Variants in FGF2 observed in about 807,000 individuals in gnomAD.
FGF2 encodes the protein fibroblast growth factor 2.
In FGF2, 13 loss-of-function variants were observed where a neutral mutation model predicts 15.9. The observed-to-expected ratio is 0.82, with a 90% CI of 0.53 to 1.30. The LOEUF (loss-of-function observed/expected upper bound fraction) is 1.30, where lower values mean the gene tolerates loss of function less well. FGF2 is among the 50% of genes most tolerant of loss of function. The probability of loss-of-function intolerance (pLI) is 0.00; values close to 1 mark genes in which losing one functional copy is unlikely to be tolerated. For synonymous variants in FGF2, 90 were observed against 78.4 expected, an observed-to-expected ratio of 1.15 and a Z score of -0.78; for missense variants, 163 against 196.9, an observed-to-expected ratio of 0.83 and a Z score of 1.03.
chr4:122,891,441 G>C (rs1034062223), intron 2 of FGF2, among the ~76,000 whole-genome samples: 1 of 78,200 alleles, frequency 1.3e-5, no homozygotes, highest in South Asian at 4.8e-4. Context: ...TTTTTTTTTT[G>C]ATAAATAGTT....
chr4:122,892,481 T>A lies in FGF2; in HGVS notation c.*85T>A. 10 of 1,598,016 alleles carry A rather than the reference T, an allele frequency of 6.3e-6. No individual in the cohort carries two copies. The highest frequency in any genetic ancestry group is 8.5e-6 in the Non-Finnish European group (10 of 1,169,668). On this transcript the variant is annotated 3_prime_UTR_variant, in exon 3 of 3. Transcript: ENST00000644866. ...GTTAATGAGAGTAAAAGAAAATAAA[T>A]GTGTATAGCTCAGTTTGGATAATTG... is the stretch of plus-strand genomic sequence containing the variant.
intron 1 of FGF2, among the ~76,000 whole-genome samples, chr4:122,843,096 T>G (rs1440621444): frequency 1.3e-5 from 2 of 152,322 alleles, no homozygotes; most frequent in East Asian, 3.9e-4. Flanking sequence ...TATAAATCAA[T>G]AAGGGCAATA....
At position 122,893,509 on chromosome 4, in the gene FGF2, T is replaced by G. The variant is rs1190239570; in HGVS notation, c.*1113T>G. The G allele has an allele frequency of 3.5e-6, 1 of 281,776 alleles. No individual in the cohort carries two copies. 17.5% of individuals were successfully genotyped at this position (281,776 alleles called of 1,614,324 possible). A position where few individuals can be genotyped will look rare whatever the true frequency, so the allele number is the denominator to read the frequency against. On this transcript the variant is annotated 3_prime_UTR_variant, in exon 3 of 3. Transcript: ENST00000644866. ...TTGGGGTCAGCTCTTTTTAACTTCT[T>G]GCTGCTCTTTTTCCCAAAAGGTAAA...
chr4:122,851,677 A>C (rs1350524395), intron 1 of FGF2, among the ~76,000 whole-genome samples: 1 of 152,222 alleles, frequency 6.6e-6, no homozygotes, highest in Non-Finnish European at 1.5e-5. Context: ...TTGAACAGCT[A>C]TTATTAAAAG....
rs1276308371 is a variant in FGF2 at position 122,826,853 on chromosome 4, C to T, written c.-322C>T. 3 of 1,501,116 alleles carry T rather than the reference C, an allele frequency of 2.0e-6. No homozygotes were observed. Among genetic ancestry groups the T allele is most frequent in the Non-Finnish European group, 2.7e-6 (3 of 1,122,924 alleles). 93.0% of individuals were successfully genotyped at this position (1,501,116 alleles called of 1,614,324 possible). A position where few individuals can be genotyped will look rare whatever the true frequency, so the allele number is the denominator to read the frequency against. On this transcript the variant is annotated 5_prime_UTR_variant, in exon 1 of 3. Transcript: ENST00000644866. ...GGTGCCAGATTAGCGGACGCGGTGC[C>T]CGCGGTTGCAACGGGATCCCGGGCG...
intron 1 of FGF2, among the ~76,000 whole-genome samples, chr4:122,848,088 T>G (rs1260714473): frequency 1.3e-5 from 2 of 152,238 alleles, no homozygotes; most frequent in African/African-American, 4.8e-5. Flanking sequence ...GGGTGGTGAA[T>G]AAGCCCTGGC....
intron 1 of FGF2, among the ~76,000 whole-genome samples, chr4:122,848,396 A>G (rs1726159286): frequency 6.6e-6 from 1 of 152,168 alleles, no homozygotes; most frequent in South Asian, 2.1e-4. Flanking sequence ...AGAAGAAAGG[A>G]CATAATTATG....
intron 1 of FGF2, among the ~76,000 whole-genome samples, chr4:122,853,475 A>G (rs957188672): frequency 2.0e-5 from 3 of 152,198 alleles, no homozygotes; most frequent in Admixed American, 6.5e-5. Flanking sequence ...GAGGTAGAGT[A>G]AAAACCCTGA....
At chr4:122,830,069 T>C (rs923331683) in intron 1 of FGF2, among the ~76,000 whole-genome samples, 1 of 152,240 alleles carries the variant, frequency 6.6e-6, no homozygotes, top group Admixed American at 6.5e-5. Flanking sequence ...GACCTGAACA[T>C]CTGTCACTGG....
intron 1 of FGF2, among the ~76,000 whole-genome samples, chr4:122,832,600 G>C (rs572475259): frequency 6.6e-6 from 1 of 152,268 alleles, no homozygotes; most frequent in South Asian, 2.1e-4. Flanking sequence ...AATGTATTTT[G>C]TTCTGTTTTA....
intron 1 of FGF2, among the ~76,000 whole-genome samples, chr4:122,862,160 C>G (rs760912328): frequency 6.6e-6 from 1 of 152,162 alleles, no homozygotes; most frequent in Non-Finnish European, 1.5e-5. Context: ...ATAGCTGTTA[C>G]CCATAAATGT....
At chr4:122,845,944 G>A (rs72672952) in intron 1 of FGF2, among the ~76,000 whole-genome samples, 2,536 of 152,210 alleles carry the variant, frequency 0.017, 42 homozygotes, top group Non-Finnish European at 0.027. Flanking sequence ...GACCTATCTC[G>A]GCTTTCAACA....
chr4:122,827,262 A>T lies in FGF2; in HGVS notation c.88A>T (p.Lys30Ter). 1 of 1,612,632 alleles carries T rather than the reference A, an allele frequency of 6.2e-7. No individual in the cohort carries two copies. Among genetic ancestry groups the T allele is most frequent in the Non-Finnish European group, 8.5e-7 (1 of 1,179,804 alleles). ...AFPPGHFKDP[K>*]RLYCKNGGFF... Reference sequence around the variant, plus strand: ...CCCGCCCGGCCACTTCAAGGACCCCAAGCGGCTGTACTGCAAAAACGGGGG... The same window carrying T: ...CCCGCCCGGCCACTTCAAGGACCCCTAGCGGCTGTACTGCAAAAACGGGGG... Residue 30 changes from lysine to a stop codon, truncating the protein, a stop_gained, in exon 1 of 3, where the codon AAG becomes TAG. Transcript: ENST00000644866. LOFTEE classifies it high-confidence loss of function. The surrounding 1 kb of genome is among the most constrained non-coding windows in gnomAD (Gnocchi z 4.2).
At chr4:122,833,902 A>G (rs1725814789) in intron 1 of FGF2, among the ~76,000 whole-genome samples, 3 of 152,232 alleles carry the variant, frequency 2.0e-5, no homozygotes, top group Admixed American at 2.0e-4. Context: ...CTAGAGAAAG[A>G]TGAATCATTT....
chr4:122,897,486 G>A lies in FGF2; in HGVS notation c.*5090G>A, dbSNP rs1004560832. 1.6e-5 allele frequency: 11 copies of A among 678,328 alleles called. No homozygotes were observed. The highest frequency in any genetic ancestry group is 2.7e-5 in the Non-Finnish European group (10 of 376,358). The allele number at this position is 678,328 out of a possible 1,614,324, so 42.0% of individuals were successfully genotyped here. A position where few individuals can be genotyped will look rare whatever the true frequency, so the allele number is the denominator to read the frequency against. ...ATGCTGCTAATTATATCAGCTCTGA[G>A]GTAATTTCTGAAATGTTCAGACTCA... On this transcript the variant is annotated 3_prime_UTR_variant, in exon 3 of 3. Coordinates refer to ENST00000644866, the MANE Select transcript of FGF2 (RefSeq NM_001361665.2).
intron 1 of FGF2, among the ~76,000 whole-genome samples, chr4:122,839,608 C>T (rs928952696): frequency 2.6e-5 from 4 of 152,212 alleles, no homozygotes; most frequent in Non-Finnish European, 2.9e-5. Context: ...TCACCATCTT[C>T]CTTGCCAACC....
In FGF2 at chr4:122,840,982, G is replaced by A. The variant is rs535811911; in HGVS notation, c.178+13630G>A. ...CAGATCTCTGAAAAAAACTCCAAGA[G>A]GTTTGAGAATACTGAAAAAGAAGAT... is the stretch of plus-strand genomic sequence containing the variant. On this transcript the variant is annotated intron_variant, in intron 1 of 2. Coordinates refer to ENST00000644866, the MANE Select transcript of FGF2 (RefSeq NM_001361665.2). Among the ~76,000 whole-genome samples, 180 of 152,200 alleles carry A rather than the reference G, an allele frequency of 1.2e-3. 1 individual carries two copies. Among genetic ancestry groups the A allele is most frequent in the Middle Eastern group, 3.4e-3 (1 of 294 alleles).
intron 1 of FGF2, among the ~76,000 whole-genome samples, chr4:122,875,186 T>G (rs1309745124): frequency 1.3e-5 from 2 of 152,160 alleles, no homozygotes; most frequent in Non-Finnish European, 2.9e-5. Context: ...AATCTTTACT[T>G]CATTTTTATT....
chr4:122,892,714 C>A lies in FGF2; in HGVS notation c.*318C>A. On this transcript the variant is annotated 3_prime_UTR_variant, in exon 3 of 3. Coordinates refer to ENST00000644866, the MANE Select transcript of FGF2 (RefSeq NM_001361665.2). Reference sequence around the variant, plus strand: ...TGCATGTTTAGAAACAAAATTTCTTCATGGAAATCATATACATTAGAAAAT... The same window carrying A: ...TGCATGTTTAGAAACAAAATTTCTTAATGGAAATCATATACATTAGAAAAT... 1 of 1,341,478 alleles carries A rather than the reference C, an allele frequency of 7.5e-7. No individual in the cohort carries two copies. The highest frequency in any genetic ancestry group is 9.9e-7 in the Non-Finnish European group (1 of 1,006,348). The allele number at this position is 1,341,478 out of a possible 1,614,324, so 83.1% of individuals were successfully genotyped here. A position where few individuals can be genotyped will look rare whatever the true frequency, so the allele number is the denominator to read the frequency against.
Sources: gnomAD v4.1 joint callset for allele counts (sites outside exome capture counted in the v4.1 genomes callset) on GRCh38, gnomAD v4.1.1 for gene constraint, Gnocchi (gnomAD v3.1) non-coding constraint, MANE v1.5 for transcripts, NCBI Gene and HGNC (gene_info 2026-07-23, HGNC 2026-07-21) for gene names.